Variants in TUSC3 observed in about 807,000 individuals in gnomAD.
TUSC3 encodes the protein dolichyl-diphosphooligosaccharide--protein glycosyltransferase subunit TUSC3.
A neutral mutation model predicts 44.8 loss-of-function variants in TUSC3; 45 were observed. The ratio of observed to expected loss-of-function variants is 1.00; its 90% CI spans 0.79 to 1.29. The LOEUF (loss-of-function observed/expected upper bound fraction) is 1.29. TUSC3 is among the 50% of genes most tolerant of loss of function. The pLI, the probability that TUSC3 is intolerant of heterozygous loss-of-function variation, is 0.00. For missense variants in TUSC3, 519 were observed against 437.9 expected (o/e 1.19, Z -1.65); for synonymous variants, 212 against 152.9 (o/e 1.39, Z -2.85).
the TUSC3 span, among the ~76,000 whole-genome samples, chr8:15,816,187 G>T: frequency 6.6e-6 from 1 of 152,128 alleles, no homozygotes; most frequent in Non-Finnish European, 1.5e-5. Flanking sequence ...GTCTTTGGCT[G>T]TCTTTATTAA....
chr8:15,667,654 A>G (rs11787423), intron 5 of TUSC3, among the ~76,000 whole-genome samples: 18 of 151,824 alleles, frequency 1.2e-4, no homozygotes, highest in East Asian at 1.2e-3. Context: ...GATACCTTCA[A>G]ATTAACTCGT....
Position 15,681,516 on chromosome 8 carries a change from G to T in TUSC3, c.798+7680G>T, listed in dbSNP as rs181754605. On this transcript the variant is annotated intron_variant, in intron 6 of 10. Transcript: ENST00000503731. Reference sequence around the variant, plus strand: ...TTATTTCTGTGGCATCAGTTGTAATGTCACCTTTGTCATTTCCGATTGTGC... The same window carrying T: ...TTATTTCTGTGGCATCAGTTGTAATTTCACCTTTGTCATTTCCGATTGTGC... Among the ~76,000 whole-genome samples the T allele has an allele frequency of 3.5e-3, 526 of 149,758 alleles. 3 individuals are homozygous for T. Among genetic ancestry groups the T allele is most frequent in the African/African-American group, 0.012 (501 of 40,994 alleles).
the TUSC3 span, chr8:15,806,449 G>A: frequency 2.5e-6 from 2 of 811,440 alleles, no homozygotes; most frequent in South Asian, 1.3e-5. Context: ...TCACACACAT[G>A]TTGTCTTGAC....
chr8:15,562,780 G>A (rs1336105286), intron 1 of TUSC3, among the ~76,000 whole-genome samples: 1 of 152,124 alleles, frequency 6.6e-6, no homozygotes, highest in Non-Finnish European at 1.5e-5. Flanking sequence ...GCAGTTCACA[G>A]CATGGCTATT....
chr8:15,803,060 G>A, the TUSC3 span, among the ~76,000 whole-genome samples: 2 of 152,178 alleles, frequency 1.3e-5, no homozygotes, highest in Non-Finnish European at 2.9e-5. Flanking sequence ...ACCAAGGTCA[G>A]TGTTGATGTT....
chr8:15,536,108 C>G (rs541943295), upstream of TUSC3, among the ~76,000 whole-genome samples: 156 of 152,256 alleles, frequency 1.0e-3, no homozygotes, highest in Non-Finnish European at 1.8e-3. Context: ...TTGGACACCA[C>G]TGATCTAGGC....
rs750727769 is a variant in TUSC3, at chr8:15,540,492, C to A, written c.62C>A (p.Pro21His). The change falls in exon 1 of 11, where the codon CCC (proline) becomes CAC (histidine). Residue 21 changes from proline (P) to histidine (H), a missense_variant. Transcript: ENST00000503731. ...GCGGGGCGGCGGCTGCGGTACCTGCCCACCGGGAGCTTTCCCTTCCTTCTC... is the reference window on the plus strand; with the variant it reads ...GCGGGGCGGCGGCTGCGGTACCTGCACACCGGGAGCTTTCCCTTCCTTCTC... ...RQAGRRLRYLPTGSFPFLLLL... is the reference protein window; with the variant it reads ...RQAGRRLRYLHTGSFPFLLLL... The A allele has an allele frequency of 6.2e-7, 1 of 1,608,576 alleles. No homozygotes were observed. The highest frequency in any genetic ancestry group is 1.7e-5 in the Admixed American group (1 of 59,742).
At chr8:15,662,736 C>G (rs1287132917) in intron 5 of TUSC3, among the ~76,000 whole-genome samples, 3 of 151,804 alleles carry the variant, frequency 2.0e-5, no homozygotes, top group South Asian at 4.1e-4. Context: ...TACACTCTGC[C>G]TGTGAGAAAT....
intron 7 of TUSC3, among the ~76,000 whole-genome samples, chr8:15,738,420 G>C (rs1811027263): frequency 6.6e-6 from 1 of 152,156 alleles, no homozygotes; most frequent in Non-Finnish European, 1.5e-5. Context: ...ACTAGGACCA[G>C]TTCAGGCCCA....
chr8:15,429,331 C>A (rs187635868), intron 1 of TUSC3, among the ~76,000 whole-genome samples: 1 of 149,110 alleles, frequency 6.7e-6, no homozygotes, highest in Non-Finnish European at 1.5e-5. Flanking sequence ...TGATCTATAT[C>A]TCTGTTTTGG....
intron 1 of TUSC3, among the ~76,000 whole-genome samples, chr8:15,449,325 G>A (rs1800162197): frequency 6.6e-6 from 1 of 152,150 alleles, no homozygotes; most frequent in African/African-American, 2.4e-5. Context: ...TTCAAAAAAT[G>A]GCCGTGTTAG....
the TUSC3 span, among the ~76,000 whole-genome samples, chr8:15,795,070 A>G: frequency 1.3e-5 from 2 of 152,126 alleles, no homozygotes; most frequent in Non-Finnish European, 2.9e-5. Context: ...CATTCTTTCA[A>G]TTTGTCTTGT....
At chr8:15,815,507 G>T in the TUSC3 span, among the ~76,000 whole-genome samples, 1 of 152,086 alleles carries the variant, frequency 6.6e-6, no homozygotes. Context: ...GCCAGGAATA[G>T]GATAAAGCTC....
chr8:15,791,137 T>C, the TUSC3 span, among the ~76,000 whole-genome samples: 5 of 152,216 alleles, frequency 3.3e-5, no homozygotes, highest in Middle Eastern at 3.4e-3. Context: ...ACCCAAATAG[T>C]TTATGGCTGA....
chr8:15,815,203 G>T, the TUSC3 span, among the ~76,000 whole-genome samples: 1 of 152,104 alleles, frequency 6.6e-6, no homozygotes, highest in African/African-American at 2.4e-5. Context: ...TTCAAGGAAG[G>T]TATTGCACGA....
In TUSC3 at chr8:15,737,414, C is replaced by G. The variant is rs112353262; in HGVS notation, c.863-6124C>G. Among the ~76,000 whole-genome samples, 339 of 152,158 alleles carry G rather than the reference C, an allele frequency of 2.2e-3. 2 individuals carry two copies. The highest frequency in any genetic ancestry group is 7.9e-3 in the African/African-American group (326 of 41,528). ...TAATTCTGTAGAATGCTCAGTGCCT[C>G]TGGGTATTGTATGTAATTTACACAA... is the stretch of plus-strand genomic sequence containing the variant. On this transcript the variant is annotated intron_variant, in intron 7 of 10. Transcript: ENST00000503731.
intron 1 of TUSC3, among the ~76,000 whole-genome samples, chr8:15,584,131 C>G (rs1026998399): frequency 9.2e-5 from 14 of 152,094 alleles, no homozygotes; most frequent in African/African-American, 3.4e-4. Context: ...TGATGTTAAA[C>G]TTGTTAAAGA....
At chr8:15,663,965 G>A (rs1807540507) in intron 5 of TUSC3, among the ~76,000 whole-genome samples, 1 of 151,800 alleles carries the variant, frequency 6.6e-6, no homozygotes. Context: ...AATTGATGTA[G>A]TCTCATCTCT....
At chr8:15,754,127 AG>A (rs1364810420) in intron 9 of TUSC3, among the ~76,000 whole-genome samples, 2 of 151,782 alleles carry the variant, frequency 1.3e-5, no homozygotes, top group South Asian at 2.1e-4. Context: ...GGCAGTCTGT[AG>A]AAAACGAGAG....
Sources: gnomAD v4.1 joint callset for allele counts (sites outside exome capture counted in the v4.1 genomes callset) on GRCh38, gnomAD v4.1.1 for gene constraint, MANE v1.5 for transcripts, NCBI Gene and HGNC (gene_info 2026-07-23, HGNC 2026-07-21) for gene names.